The following ANXA8 variants were observed in gnomAD, a reference collection of about 807,000 sequenced individuals.
ANXA8 encodes annexin A8, also known as VAC-beta.
ANXA8 carries 9 observed loss-of-function variants against 26.8 expected under a neutral mutation model. The ratio of observed to expected loss-of-function variants is 0.34; its 90% CI spans 0.20 to 0.59. The LOEUF is 0.59. ANXA8 is among the 20% of genes least tolerant of loss of function. The pLI, the probability that ANXA8 is intolerant of heterozygous loss-of-function variation, is 0.84. For synonymous variants in ANXA8, 39 were observed against 94.8 expected (o/e 0.41, Z 3.42); for missense variants, 83 against 238.5 (o/e 0.35, Z 4.29).
At chr10:47,669,939 C>A in the ANXA8 span, among the ~76,000 whole-genome samples, 3 of 151,794 alleles carry the variant, frequency 2.0e-5, no homozygotes, top group African/African-American at 7.3e-5. Flanking sequence ...TGTTTTACAG[C>A]CATCACTACT....
the ANXA8 span, among the ~76,000 whole-genome samples, chr10:47,666,721 T>C: frequency 2.6e-5 from 4 of 151,788 alleles, no homozygotes; most frequent in Admixed American, 6.5e-5. Context: ...TAATTTTTTT[T>C]CCCCTCAAAT....
At chr10:47,941,306 C>G in the ANXA8 span, among the ~76,000 whole-genome samples, 1 of 146,444 alleles carries the variant, frequency 6.8e-6, no homozygotes, top group African/African-American at 2.7e-5. Flanking sequence ...TTTGTCTTCC[C>G]TGCTCTGCTC....
At chr10:47,691,125 T>C in the ANXA8 span, 2 of 1,609,498 alleles carry the variant, frequency 1.2e-6, no homozygotes, top group Non-Finnish European at 1.7e-6. Flanking sequence ...TTAGCAACAG[T>C]TACAGTAAGT....
the ANXA8 span, among the ~76,000 whole-genome samples, chr10:47,652,534 T>C: frequency 1.3e-5 from 2 of 150,896 alleles, no homozygotes; most frequent in Non-Finnish European, 2.9e-5. Flanking sequence ...GAGGTAGAGG[T>C]TGCAGTGAGC....
At chr10:47,620,753 G>A in the ANXA8 span, among the ~76,000 whole-genome samples, 1 of 108,304 alleles carries the variant, frequency 9.2e-6, no homozygotes, top group Non-Finnish European at 2.0e-5. Context: ...CTGAGGTTAG[G>A]AAGCACCATT....
chr10:47,950,879 G>A, the ANXA8 span, among the ~76,000 whole-genome samples: 3 of 150,478 alleles, frequency 2.0e-5, no homozygotes, highest in Non-Finnish European at 3.0e-5. Flanking sequence ...AAAAGTCCAA[G>A]GTCAATGATT....
chr10:47,986,894 G>A, the ANXA8 span: 1 of 463,308 alleles, frequency 2.2e-6, no homozygotes, highest in Non-Finnish European at 4.3e-6. Context: ...GCCGGTTGGA[G>A]GCTACAGGGG....
the ANXA8 span, among the ~76,000 whole-genome samples, chr10:47,724,448 C>T: frequency 7.1e-6 from 1 of 141,630 alleles, no homozygotes; most frequent in Non-Finnish European, 1.6e-5. Flanking sequence ...ACTCTAGCCA[C>T]GTGGCCTTCT....
At chr10:47,607,506 T>C in the ANXA8 span, among the ~76,000 whole-genome samples, 1 of 148,914 alleles carries the variant, frequency 6.7e-6, no homozygotes, top group Non-Finnish European at 1.5e-5. Context: ...AACAACATTA[T>C]GGAAAATTGG....
At chr10:47,647,872 CTG>C in the ANXA8 span, among the ~76,000 whole-genome samples, 3 of 151,988 alleles carry the variant, frequency 2.0e-5, no homozygotes, top group Admixed American at 6.5e-5. Context: ...AGTAACAACA[CTG>C]TGGAAAGCAA....
chr10:47,484,094 C>T lies in ANXA8; in HGVS notation c.-161G>A, dbSNP rs1199042657. 85 of 1,578,404 alleles carry T rather than the reference C, an allele frequency of 5.4e-5. 1 individual carries two copies. The highest frequency in any genetic ancestry group is 4.7e-4 in the East Asian group (21 of 44,488). ...CCAGGGCAGCGCCACACCTGCCTGC[C>T]GTCCCCTCGCCCCCGGGCTCTGCCT... On this transcript the variant is annotated 5_prime_UTR_variant, in exon 1 of 12. Transcript: ENST00000585281.
At chr10:47,645,354 G>A in the ANXA8 span, among the ~76,000 whole-genome samples, 10 of 147,936 alleles carry the variant, frequency 6.8e-5, no homozygotes, top group Non-Finnish European at 1.2e-4. Flanking sequence ...AGGTAGTAAC[G>A]TATTTGTCGT....
the ANXA8 span, among the ~76,000 whole-genome samples, chr10:47,715,175 C>A: frequency 2.4e-4 from 3 of 12,530 alleles, no homozygotes; most frequent in African/African-American, 8.3e-4. Context: ...TGGCCCGGCG[C>A]GGAGGCTTAT....
At chr10:47,595,954 A>G in the ANXA8 span, among the ~76,000 whole-genome samples, 1 of 149,036 alleles carries the variant, frequency 6.7e-6, no homozygotes, top group East Asian at 1.9e-4. Flanking sequence ...CAACCACAAT[A>G]TATATATTTT....
chr10:47,570,727 C>A, the ANXA8 span, among the ~76,000 whole-genome samples: 1 of 150,804 alleles, frequency 6.6e-6, no homozygotes, highest in South Asian at 2.1e-4. Context: ...GAGCTGTGAT[C>A]ATGCCACTGC....
the ANXA8 span, among the ~76,000 whole-genome samples, chr10:47,703,345 G>A: frequency 4.0e-5 from 6 of 151,582 alleles, no homozygotes; most frequent in Non-Finnish European, 7.4e-5. Flanking sequence ...AGGCAGGTGG[G>A]TGGCTTGAGC....
At chr10:47,974,849 G>A in the ANXA8 span, among the ~76,000 whole-genome samples, 2 of 149,744 alleles carry the variant, frequency 1.3e-5, no homozygotes, top group African/African-American at 4.9e-5. Flanking sequence ...TCTGTGTACA[G>A]ATAGGAAGAA....
chr10:47,493,485 T>C, the ANXA8 span, among the ~76,000 whole-genome samples: 1 of 145,998 alleles, frequency 6.8e-6, no homozygotes, highest in African/African-American at 2.5e-5. Context: ...GTCCCCCCAC[T>C]CACACAAGGG....
At chr10:47,580,963 C>T in the ANXA8 span, among the ~76,000 whole-genome samples, 1 of 150,170 alleles carries the variant, frequency 6.7e-6, no homozygotes. Flanking sequence ...GTAACCCCAG[C>T]TACTTGGGAG....
Sources: gnomAD v4.1 joint callset for allele counts (sites outside exome capture counted in the v4.1 genomes callset) on GRCh38, gnomAD v4.1.1 for gene constraint, MANE v1.5 for transcripts, NCBI Gene and HGNC (gene_info 2026-07-23, HGNC 2026-07-21) for gene names.